The following GRIN2A variants were observed in gnomAD, a reference collection of about 807,000 sequenced individuals.
GRIN2A encodes glutamate receptor ionotropic, NMDA 2A.
In GRIN2A, 22 loss-of-function variants were observed where a neutral mutation model predicts 113.4. The observed-to-expected ratio is 0.19, with a 90% CI of 0.14 to 0.28. The LOEUF (loss-of-function observed/expected upper bound fraction) is 0.28. Ranked by LOEUF, GRIN2A falls within the 10% of genes least tolerant of loss-of-function variation. GRIN2A has a pLI of 1.00. For missense variants in GRIN2A, 1,502 were observed against 1,887.0 expected, an observed-to-expected ratio of 0.80 and a Z score of 3.78; for synonymous variants, 827 against 738.4, an observed-to-expected ratio of 1.12 and a Z score of -1.94.
At chr16:9,802,120 G>A (rs1016420065) in intron 10 of GRIN2A, among the ~76,000 whole-genome samples, 4 of 152,194 alleles carry the variant, frequency 2.6e-5, no homozygotes, top group African/African-American at 7.2e-5. Context: ...ACTGATGGTG[G>A]GAGTGTAGAT....
At chr16:10,085,374 G>A (rs1006784393) in intron 2 of GRIN2A, among the ~76,000 whole-genome samples, 7 of 152,232 alleles carry the variant, frequency 4.6e-5, no homozygotes, top group African/African-American at 1.2e-4. Context: ...AGAAGGGCAC[G>A]CAAATGCACA....
intron 11 of GRIN2A, among the ~76,000 whole-genome samples, chr16:9,773,128 A>G (rs1489449428): frequency 6.6e-6 from 1 of 152,022 alleles, no homozygotes; most frequent in African/African-American, 2.4e-5. Context: ...ACCATGTTTT[A>G]TGGTTTTGAT....
chr16:10,039,664 G>A (rs1225235835), intron 2 of GRIN2A, among the ~76,000 whole-genome samples: 1 of 151,692 alleles, frequency 6.6e-6, no homozygotes, highest in Non-Finnish European at 1.5e-5. Flanking sequence ...AGCGGGGGCG[G>A]CTGCTCGCTC....
At chr16:10,024,571 T>A (rs2046785457) in intron 2 of GRIN2A, among the ~76,000 whole-genome samples, 1 of 152,250 alleles carries the variant, frequency 6.6e-6, no homozygotes, top group African/African-American at 2.4e-5. Context: ...CTAAACTATG[T>A]CATTACCACG....
At chr16:10,072,946 C>CCT (rs565877354) in intron 2 of GRIN2A, among the ~76,000 whole-genome samples, 46 of 104,224 alleles carry the variant, frequency 4.4e-4, no homozygotes, top group African/African-American at 1.6e-3. Flanking sequence ...ACAAGACCCC[C>CCT]TTTTTTTTTT....
chr16:10,169,582 C>G (rs182718617), intron 2 of GRIN2A, among the ~76,000 whole-genome samples: 1 of 152,230 alleles, frequency 6.6e-6, no homozygotes, highest in Admixed American at 6.5e-5. Flanking sequence ...ATGGCTGGAA[C>G]AGAAGCAGCC....
intron 4 of GRIN2A, among the ~76,000 whole-genome samples, chr16:9,887,980 G>A (rs958668030): frequency 6.6e-5 from 10 of 152,182 alleles, no homozygotes; most frequent in Middle Eastern, 3.4e-3. Flanking sequence ...TCGTTCTCTC[G>A]CCCAGGCTGG....
intron 2 of GRIN2A, among the ~76,000 whole-genome samples, chr16:10,027,060 AATATTTGT>A (rs2046835944): frequency 3.9e-5 from 6 of 152,134 alleles, no homozygotes; most frequent in Admixed American, 2.0e-4. Flanking sequence ...TGACACATTA[AATATTTGT>A]TATGTTTCTG....
At chr16:10,051,437 G>C (rs569640128) in intron 2 of GRIN2A, among the ~76,000 whole-genome samples, 96 of 152,286 alleles carry the variant, frequency 6.3e-4, no homozygotes, top group Non-Finnish European at 1.0e-3. Context: ...CTTTTCACAG[G>C]AGTATCCCCA....
intron 2 of GRIN2A, among the ~76,000 whole-genome samples, chr16:9,991,449 T>G (rs904599907): frequency 6.6e-6 from 1 of 152,246 alleles, no homozygotes; most frequent in Non-Finnish European, 1.5e-5. Flanking sequence ...ATTTTTGTTA[T>G]ATGGATATAT....
At chr16:9,909,140 T>C (rs897936067) in intron 3 of GRIN2A, among the ~76,000 whole-genome samples, 3 of 152,102 alleles carry the variant, frequency 2.0e-5, no homozygotes, top group Non-Finnish European at 4.4e-5. Context: ...AGTCATGTCT[T>C]ACATGGAAGG....
In GRIN2A at chr16:9,795,142, T is replaced by A. The variant is rs574831195; in HGVS notation, c.2356+3135A>T. ...AAAATGAGGCTGAGACCTACTGGGC[T>A]GCATTCGTAAATGGCTTAAGGCATT... is the stretch of plus-strand genomic sequence containing the variant. On this transcript the variant is annotated intron_variant, in intron 11 of 12. Transcript: ENST00000330684. 3.9e-5 allele frequency among the ~76,000 whole-genome samples: 6 copies of A among 152,180 alleles called. No homozygotes were observed. In the South Asian group the frequency reaches 1.2e-3, roughly 31 times the overall value.
At chr16:10,153,587 G>T (rs892200691) in intron 2 of GRIN2A, among the ~76,000 whole-genome samples, 1 of 152,094 alleles carries the variant, frequency 6.6e-6, no homozygotes, top group Non-Finnish European at 1.5e-5. Flanking sequence ...CTTGTTTCTT[G>T]TGCTAGAACA....
chr16:10,006,383 G>C (rs556673004), intron 2 of GRIN2A, among the ~76,000 whole-genome samples: 24 of 152,348 alleles, frequency 1.6e-4, no homozygotes, highest in African/African-American at 5.8e-4. Context: ...CCATGAGATA[G>C]AGAGTGCTAA....
intron 2 of GRIN2A, among the ~76,000 whole-genome samples, chr16:10,025,958 G>A (rs2046811831): frequency 6.6e-6 from 1 of 152,190 alleles, no homozygotes; most frequent in Admixed American, 6.5e-5. Flanking sequence ...GGCACAGCGA[G>A]CTTCGTAGCC....
intron 2 of GRIN2A, among the ~76,000 whole-genome samples, chr16:10,016,424 A>T (rs2046612543): frequency 6.6e-6 from 1 of 152,120 alleles, no homozygotes; most frequent in African/African-American, 2.4e-5. Flanking sequence ...GAAAGAAAAG[A>T]AGGACTATTG....
At chr16:10,174,760 C>T (rs1267102806) in intron 2 of GRIN2A, among the ~76,000 whole-genome samples, 1 of 151,012 alleles carries the variant, frequency 6.6e-6, no homozygotes, top group African/African-American at 2.4e-5. Flanking sequence ...AATAATAGAC[C>T]AGACACAAAT....
chr16:10,166,935 T>C (rs1238311638), intron 2 of GRIN2A, among the ~76,000 whole-genome samples: 2 of 152,216 alleles, frequency 1.3e-5, no homozygotes, highest in Non-Finnish European at 2.9e-5. Flanking sequence ...TTCTTTTCTA[T>C]GGCTTACTTA....
At chr16:9,900,980 C>T (rs757637217) in intron 3 of GRIN2A, among the ~76,000 whole-genome samples, 1 of 152,218 alleles carries the variant, frequency 6.6e-6, no homozygotes, top group African/African-American at 2.4e-5. Context: ...GATGTGCGTG[C>T]ATGTTGCTCT....
Sources: gnomAD v4.1 joint callset for allele counts (sites outside exome capture counted in the v4.1 genomes callset) on GRCh38, gnomAD v4.1.1 for gene constraint, MANE v1.5 for transcripts, NCBI Gene and HGNC (gene_info 2026-07-23, HGNC 2026-07-21) for gene names.